Variants in OSBPL10 observed in about 807,000 individuals in gnomAD.
OSBPL10 encodes the protein oxysterol-binding protein-related protein 10.
Under a neutral mutation model 81.7 loss-of-function variants are expected in OSBPL10, and 49 were observed. The ratio of observed to expected loss-of-function variants is 0.60; its 90% CI spans 0.48 to 0.76. The LOEUF is 0.76. OSBPL10 is among the 30% of genes least tolerant of loss of function. The pLI, the probability that OSBPL10 is intolerant of heterozygous loss-of-function variation, is 0.00. For synonymous variants in OSBPL10, 419 were observed against 383.6 expected, an observed-to-expected ratio of 1.09 and a Z score of -1.08; for missense variants, 923 against 987.8, an observed-to-expected ratio of 0.93 and a Z score of 0.88.
intron 3 of OSBPL10, among the ~76,000 whole-genome samples, chr3:31,836,907 T>C (rs935003548): frequency 1.3e-5 from 2 of 152,200 alleles, no homozygotes; most frequent in Non-Finnish European, 2.9e-5. Context: ...TTCTCATGCT[T>C]TGGAACTATG....
At chr3:31,856,110 ACACACAC>A (rs1700907925) in intron 3 of OSBPL10, among the ~76,000 whole-genome samples, 1 of 143,074 alleles carries the variant, frequency 7.0e-6, no homozygotes, top group Non-Finnish European at 1.5e-5. Flanking sequence ...ACACACACAC[ACACACAC>A]GTTTTAATCT....
chr3:31,761,828 A>G (rs1290338572), intron 4 of OSBPL10, among the ~76,000 whole-genome samples: 1 of 146,976 alleles, frequency 6.8e-6, no homozygotes, highest in East Asian at 1.9e-4. Flanking sequence ...AAAAAAAAAA[A>G]AAACCCTAAA....
Position 31,702,346 on chromosome 3 carries a change from C to T in OSBPL10, c.1245+13G>A, listed in dbSNP as rs763018297. 6 of 1,613,196 alleles carry T rather than the reference C, an allele frequency of 3.7e-6. No homozygotes were observed. The highest frequency in any genetic ancestry group is 5.1e-6 in the Non-Finnish European group (6 of 1,179,278). ...AACAACTGACCACAAATCCAGGGGA[C>T]ATGCCAACCTACCTTGGTCAAATCC... On this transcript the variant is annotated intron_variant, in intron 7 of 11. Coordinates refer to ENST00000396556, the MANE Select transcript of OSBPL10 (RefSeq NM_017784.5).
chr3:31,876,471 G>A lies in OSBPL10; in HGVS notation c.499C>T (p.Arg167Ter). 6.2e-7 allele frequency: 1 copy of A among 1,613,768 alleles called. No homozygotes were observed. Among genetic ancestry groups the A allele is most frequent in the Non-Finnish European group, 8.5e-7 (1 of 1,179,656 alleles). Reference protein sequence around the residue: ...KEKQFWVTQLRACAKYHMEMN... With the variant: ...KEKQFWVTQL ...TCCATGTGGTATTTGGCACAAGCTC[G>A]AAGCTGAGTCACCCAGAATTGTTTC... Residue 167 changes from arginine (R) to a stop codon, truncating the protein, a stop_gained, in exon 3 of 12, where the codon CGA becomes TGA. Transcript: ENST00000396556. LOFTEE classifies it high-confidence loss of function.
chr3:31,901,756 A>T (rs1281589765), intron 1 of OSBPL10, among the ~76,000 whole-genome samples: 1 of 152,208 alleles, frequency 6.6e-6, no homozygotes, highest in Non-Finnish European at 1.5e-5. Context: ...TGGTACAAAA[A>T]GGGCATTTAG....
rs11456297 is a variant in OSBPL10, at chr3:31,934,410, C to CTTTT, written c.281+46485_281+46488dup. 4.2e-5 allele frequency among the ~76,000 whole-genome samples: 6 copies of CTTTT among 141,742 alleles called. No homozygotes were observed. In the East Asian group the frequency reaches 6.2e-4, roughly 15 times the overall value. 93.0% of individuals were successfully genotyped at this position (141,742 alleles called of 152,430 possible). A position where few individuals can be genotyped will look rare whatever the true frequency, so the allele number is the denominator to read the frequency against. On this transcript the variant is annotated intron_variant, in intron 1 of 11. Coordinates refer to ENST00000396556, the MANE Select transcript of OSBPL10 (RefSeq NM_017784.5). ...GTCAAAGACCATCAGAAAATTCATTCTTTTTTTTTTTTTTTGGAGACAAAG... is the reference window on the plus strand; with the variant it reads ...GTCAAAGACCATCAGAAAATTCATTCTTTTTTTTTTTTTTTTTTTGGAGACAAAG...
chr3:31,873,731 A>G lies in OSBPL10; in HGVS notation c.537+2702T>C, dbSNP rs117086524. Among the ~76,000 whole-genome samples, 14 of 152,358 alleles carry G rather than the reference A, an allele frequency of 9.2e-5. No homozygotes were observed. In the East Asian group the frequency reaches 2.5e-3, roughly 27 times the overall value. On this transcript the variant is annotated intron_variant, in intron 3 of 11. Transcript: ENST00000396556. ...ACACGGTGAAGAGGAGGCTTGGCATATATTCCTAATAACCATGATGCAAAT... is the reference window on the plus strand; with the variant it reads ...ACACGGTGAAGAGGAGGCTTGGCATGTATTCCTAATAACCATGATGCAAAT...
At chr3:31,702,221 T>C in intron 7 of OSBPL10, 138 bp downstream of exon 7, 1 of 1,040,790 alleles carries the variant, frequency 9.6e-7, no homozygotes. Context: ...ATATCCATAC[T>C]TGAAAGCAAT....
intron 4 of OSBPL10, among the ~76,000 whole-genome samples, chr3:31,790,408 C>T (rs888640550): frequency 5.3e-5 from 8 of 152,224 alleles, no homozygotes; most frequent in Non-Finnish European, 8.8e-5. Flanking sequence ...CCTGAGTATG[C>T]GCTCAAGAAG....
Position 31,686,484 on chromosome 3 carries a change from G to A in OSBPL10, c.1246-2370C>T, listed in dbSNP as rs552128775. Among the ~76,000 whole-genome samples, 33 of 152,316 alleles carry A rather than the reference G, an allele frequency of 2.2e-4. 1 individual carries two copies. The South Asian group carries it at 6.4e-3, about 30-fold the overall frequency. ...AGCAGCCAGATGTAAAATTGAACAT[G>A]TAATACAATCCAAGAATCATAAAAA... On this transcript the variant is annotated intron_variant, in intron 7 of 11. Transcript: ENST00000396556.
At chr3:31,855,541 T>A (rs1366094694) in intron 3 of OSBPL10, among the ~76,000 whole-genome samples, 1 of 152,200 alleles carries the variant, frequency 6.6e-6, no homozygotes, top group African/African-American at 2.4e-5. Flanking sequence ...GTTGGATGTC[T>A]CCCTCACACA....
At chr3:31,733,685 GTTTTTTTTTTTTTTTTT>G (rs372305256) in intron 5 of OSBPL10, among the ~76,000 whole-genome samples, 22 of 91,780 alleles carry the variant, frequency 2.4e-4, no homozygotes, top group African/African-American at 9.1e-4. Flanking sequence ...AGATAAAGGT[GTTTTTTTTTTTTTTTTT>G]TTTTTTTTTG....
chr3:31,679,962 C>T (rs1429562619), intron 8 of OSBPL10, among the ~76,000 whole-genome samples: 2 of 152,144 alleles, frequency 1.3e-5, no homozygotes, highest in Non-Finnish European at 2.9e-5. Context: ...CCCGAGTATT[C>T]TAACCGGAGC....
intron 1 of OSBPL10, among the ~76,000 whole-genome samples, chr3:31,935,514 AT>A (rs11359502): frequency 0.28 from 40,686 of 144,350 alleles, 6,652 homozygotes; most frequent in African/African-American, 0.45. Context: ...TATGAAATAG[AT>A]TTTTTTTTTT....
chr3:31,695,514 T>C (rs1426972496), intron 7 of OSBPL10, among the ~76,000 whole-genome samples: 1 of 152,110 alleles, frequency 6.6e-6, no homozygotes, highest in Admixed American at 6.6e-5. Flanking sequence ...AACCCTATAC[T>C]TAACTCCCTT....
At chr3:31,887,490 C>T (rs1370330947) in intron 1 of OSBPL10, among the ~76,000 whole-genome samples, 1 of 152,162 alleles carries the variant, frequency 6.6e-6, no homozygotes, top group African/African-American at 2.4e-5. Context: ...GGTATCTACA[C>T]ATCTCCAGGT....
intron 1 of OSBPL10, among the ~76,000 whole-genome samples, chr3:31,961,562 G>T (rs968350531): frequency 6.6e-6 from 1 of 151,950 alleles, no homozygotes; most frequent in Non-Finnish European, 1.5e-5. Flanking sequence ...TGCTGGGAGG[G>T]GGCTGGGCTA....
chr3:31,767,803 G>C (rs1337583767), intron 4 of OSBPL10, among the ~76,000 whole-genome samples: 1 of 152,138 alleles, frequency 6.6e-6, no homozygotes, highest in Non-Finnish European at 1.5e-5. Flanking sequence ...CTCTGCTTCA[G>C]TTATCACAAT....
rs534037335 is a variant in OSBPL10, at chr3:31,699,052, A to G, written c.1245+3307T>C. Among the ~76,000 whole-genome samples, 3 of 152,376 alleles carry G rather than the reference A, an allele frequency of 2.0e-5. No individual in the cohort carries two copies. In the South Asian group the frequency reaches 6.2e-4, roughly 32 times the overall value. Reference sequence around the variant, plus strand: ...GTGCAGTGCTCAACAAATACATGTTACATGAGTGAACACGTTACAAATTGT... The same window carrying G: ...GTGCAGTGCTCAACAAATACATGTTGCATGAGTGAACACGTTACAAATTGT... On this transcript the variant is annotated intron_variant, in intron 7 of 11. Transcript: ENST00000396556.
Sources: allele counts gnomAD v4.1 joint callset (sites outside exome capture counted in the v4.1 genomes callset), GRCh38; gene constraint gnomAD v4.1.1; transcripts MANE v1.5; gene names NCBI Gene and HGNC (gene_info 2026-07-23, HGNC 2026-07-21).